Variants in POFUT3 observed in about 807,000 individuals in gnomAD.
POFUT3 encodes GDP-fucose protein O-fucosyltransferase 3.
the POFUT3 span, among the ~76,000 whole-genome samples, chr8:33,322,275 G>A: frequency 6.6e-6 from 1 of 152,082 alleles, no homozygotes; most frequent in Non-Finnish European, 1.5e-5. Flanking sequence ...TGGGCTGGAG[G>A]AGAGATTAAC....
the POFUT3 span, among the ~76,000 whole-genome samples, chr8:33,336,052 A>G: frequency 1.3e-5 from 2 of 152,210 alleles, no homozygotes; most frequent in Non-Finnish European, 2.9e-5. Flanking sequence ...TGTCGTGTTG[A>G]ATACTGAAAG....
chr8:33,388,329 C>T, the POFUT3 span, among the ~76,000 whole-genome samples: 2 of 83,876 alleles, frequency 2.4e-5, no homozygotes, highest in Non-Finnish European at 4.4e-5. Context: ...AAGCAGAACT[C>T]TTTTTTTTTT....
chr8:33,378,381 C>T, the POFUT3 span, among the ~76,000 whole-genome samples: 1 of 152,126 alleles, frequency 6.6e-6, no homozygotes, highest in Admixed American at 6.6e-5. Context: ...GGATGGAAAC[C>T]ATTTTGGGCC....
the POFUT3 span, chr8:33,389,178 G>T: frequency 1.9e-6 from 3 of 1,613,992 alleles, no homozygotes; most frequent in East Asian, 4.5e-5. Context: ...TAACTTGCCA[G>T]TTCCCTGGGG....
At chr8:33,416,702 T>TG in the POFUT3 span, among the ~76,000 whole-genome samples, 15 of 151,274 alleles carry the variant, frequency 9.9e-5, no homozygotes, top group South Asian at 1.3e-3. Context: ...AAAAATTAGC[T>TG]GGGTGTGGTG....
the POFUT3 span, among the ~76,000 whole-genome samples, chr8:33,403,596 T>C: frequency 6.6e-6 from 1 of 152,014 alleles, no homozygotes; most frequent in Non-Finnish European, 1.5e-5. Context: ...TGCATGCCTG[T>C]AGACCCAGCT....
chr8:33,385,178 G>T, the POFUT3 span, among the ~76,000 whole-genome samples: 2 of 152,092 alleles, frequency 1.3e-5, no homozygotes, highest in African/African-American at 4.8e-5. Context: ...CCAGTGACCC[G>T]CTTGCTTATT....
the POFUT3 span, among the ~76,000 whole-genome samples, chr8:33,405,293 A>T: frequency 6.7e-6 from 1 of 148,432 alleles, no homozygotes; most frequent in East Asian, 2.0e-4. Context: ...ACTCCGTCTC[A>T]AAAAAAAAAG....
chr8:33,339,180 T>G, the POFUT3 span, among the ~76,000 whole-genome samples: 1 of 151,798 alleles, frequency 6.6e-6, no homozygotes, highest in Non-Finnish European at 1.5e-5. Context: ...TTGAAATAAG[T>G]GAAAAAATAG....
At chr8:33,445,297 G>T in the POFUT3 span, among the ~76,000 whole-genome samples, 2 of 151,918 alleles carry the variant, frequency 1.3e-5, no homozygotes, top group Admixed American at 1.3e-4. Context: ...CCATTTCTTT[G>T]CCACTTCCCA....
At chr8:33,418,554 C>T in the POFUT3 span, among the ~76,000 whole-genome samples, 5 of 151,916 alleles carry the variant, frequency 3.3e-5, no homozygotes, top group Admixed American at 6.6e-5. Flanking sequence ...CTGCCCACCT[C>T]GGCCTCTCAA....
chr8:33,471,407 G>A, the POFUT3 span, among the ~76,000 whole-genome samples: 7 of 151,910 alleles, frequency 4.6e-5, no homozygotes, highest in Admixed American at 3.9e-4. Context: ...GCCACCACAT[G>A]AGCCCAGCTA....
the POFUT3 span, among the ~76,000 whole-genome samples, chr8:33,316,121 A>C: frequency 6.6e-6 from 1 of 152,118 alleles, no homozygotes; most frequent in South Asian, 2.1e-4. Context: ...CTCATCACTG[A>C]TCTACTATTT....
chr8:33,393,283 A>G, the POFUT3 span, among the ~76,000 whole-genome samples: 3 of 152,236 alleles, frequency 2.0e-5, no homozygotes, highest in Non-Finnish European at 4.4e-5. Context: ...CACTGCTCTT[A>G]CATTTAACAA....
At chr8:33,396,738 T>TAA in the POFUT3 span, among the ~76,000 whole-genome samples, 1 of 152,194 alleles carries the variant, frequency 6.6e-6, no homozygotes, top group East Asian at 1.9e-4. Flanking sequence ...AGCTAAGAAT[T>TAA]AAAATATACA....
At chr8:33,438,448 G>A in the POFUT3 span, among the ~76,000 whole-genome samples, 6 of 152,242 alleles carry the variant, frequency 3.9e-5, no homozygotes, top group South Asian at 2.1e-4. Flanking sequence ...GTGCGGTGGC[G>A]CATGCCTGTA....
the POFUT3 span, among the ~76,000 whole-genome samples, chr8:33,339,128 AG>A: frequency 6.6e-6 from 1 of 152,222 alleles, no homozygotes; most frequent in Admixed American, 6.5e-5. Context: ...TTTTTAAAGG[AG>A]CCATAATTTT....
At chr8:33,428,187 T>C in the POFUT3 span, among the ~76,000 whole-genome samples, 3 of 152,154 alleles carry the variant, frequency 2.0e-5, no homozygotes, top group Admixed American at 2.0e-4. Flanking sequence ...CTTTTCCCAA[T>C]ACCTAAGACT....
chr8:33,376,621 T>C, the POFUT3 span, among the ~76,000 whole-genome samples: 1 of 152,168 alleles, frequency 6.6e-6, no homozygotes, highest in Non-Finnish European at 1.5e-5. Flanking sequence ...GGCCTAGAAC[T>C]TGAGCAGGAA....
Sources: gnomAD v4.1 joint callset for allele counts (sites outside exome capture counted in the v4.1 genomes callset) on GRCh38, gnomAD v4.1.1 for gene constraint, MANE v1.5 for transcripts, NCBI Gene and HGNC (gene_info 2026-07-23, HGNC 2026-07-21) for gene names.